GSTCD: variants seen among roughly 807,000 people sequenced by gnomAD.
The protein encoded by GSTCD is glutathione S-transferase C-terminal domain-containing protein.
Under a neutral mutation model 68.3 loss-of-function variants are expected in GSTCD, and 44 were observed. That is an observed-to-expected ratio of 0.64 (90% CI 0.51 to 0.83). The LOEUF (loss-of-function observed/expected upper bound fraction) is 0.83. Among genes scored for constraint, GSTCD ranks in the 40% least tolerant of loss-of-function variants. The pLI is 0.00. For synonymous variants in GSTCD, 273 were observed against 255.2 expected, an observed-to-expected ratio of 1.07 and a Z score of -0.67; for missense variants, 739 against 735.9, an observed-to-expected ratio of 1.00 and a Z score of -0.05.
intron 5 of GSTCD, among the ~76,000 whole-genome samples, chr4:105,752,152 CT>C (rs1734029995): frequency 6.6e-6 from 1 of 152,126 alleles, no homozygotes; most frequent in Non-Finnish European, 1.5e-5. Context: ...TTCTCTCTCT[CT>C]TTTTCTGTTT....
At chr4:105,735,428 T>C (rs1172296348) in intron 5 of GSTCD, among the ~76,000 whole-genome samples, 1 of 152,224 alleles carries the variant, frequency 6.6e-6, no homozygotes. Context: ...CTCAGACTGC[T>C]GTGCTAGCAA....
chr4:105,739,792 A>C (rs546523784), intron 5 of GSTCD, among the ~76,000 whole-genome samples: 1 of 152,314 alleles, frequency 6.6e-6, no homozygotes, highest in South Asian at 2.1e-4. Context: ...TTTTCAGGGC[A>C]TCATTTTCCT....
chr4:105,843,392 C>A (rs1226093532), intron 11 of GSTCD: 1 of 152,226 alleles, frequency 6.6e-6, no homozygotes, highest in African/African-American at 2.4e-5. Context: ...TTTGATGAGA[C>A]TCCACTCACT....
chr4:105,800,816 T>C (rs1736078658), intron 5 of GSTCD, among the ~76,000 whole-genome samples: 1 of 152,174 alleles, frequency 6.6e-6, no homozygotes, highest in Non-Finnish European at 1.5e-5. Flanking sequence ...GTTAGGTTCT[T>C]GCAAGCCTCT....
chr4:105,781,502 T>C (rs1164675357), intron 5 of GSTCD, among the ~76,000 whole-genome samples: 1 of 151,938 alleles, frequency 6.6e-6, no homozygotes, highest in African/African-American at 2.4e-5. Flanking sequence ...AGCAATCCTG[T>C]AGCCTTAGCC....
At chr4:105,799,166 T>C (rs1055599928) in intron 5 of GSTCD, among the ~76,000 whole-genome samples, 7 of 152,188 alleles carry the variant, frequency 4.6e-5, no homozygotes, top group Non-Finnish European at 7.3e-5. Context: ...TTTATAGAAT[T>C]GAAGAGAGTT....
intron 5 of GSTCD, among the ~76,000 whole-genome samples, chr4:105,810,947 T>C (rs780474115): frequency 3.0e-4 from 46 of 152,182 alleles, no homozygotes; most frequent in Middle Eastern, 3.2e-3. Context: ...GTTGACTCAC[T>C]GCATTCATTG....
At chr4:105,797,992 A>G (rs890393291) in intron 5 of GSTCD, among the ~76,000 whole-genome samples, 3 of 151,968 alleles carry the variant, frequency 2.0e-5, no homozygotes, top group Non-Finnish European at 4.4e-5. Flanking sequence ...AGGTCACAAT[A>G]GAACTTCTAA....
chr4:105,778,604 A>G (rs569792692), intron 5 of GSTCD, among the ~76,000 whole-genome samples: 8 of 152,148 alleles, frequency 5.3e-5, no homozygotes, highest in Non-Finnish European at 1.0e-4. Flanking sequence ...AGAAATCTAT[A>G]TAAGTGACAG....
chr4:105,833,768 T>G (rs1053526030), intron 8 of GSTCD, among the ~76,000 whole-genome samples: 2 of 136,886 alleles, frequency 1.5e-5, no homozygotes, highest in African/African-American at 6.1e-5. Context: ...TACTTAAGGA[T>G]ATGTGTTTTA....
intron 5 of GSTCD, among the ~76,000 whole-genome samples, chr4:105,741,755 C>T (rs549855270): frequency 6.6e-6 from 1 of 152,064 alleles, no homozygotes; most frequent in Non-Finnish European, 1.5e-5. Context: ...ATTGGATCAT[C>T]TTGTTTTCAT....
intron 5 of GSTCD, among the ~76,000 whole-genome samples, chr4:105,756,004 T>G (rs1379624580): frequency 2.0e-5 from 3 of 152,172 alleles, no homozygotes; most frequent in African/African-American, 7.2e-5. Flanking sequence ...CAACTAATTT[T>G]CAAAAATAGC....
At position 105,846,510 on chromosome 4, in the gene GSTCD, G is replaced by A. The variant is rs771018995; in HGVS notation, c.*933G>A. 4 of 152,072 alleles carry A rather than the reference G, an allele frequency of 2.6e-5. No homozygotes were observed. The highest frequency in any genetic ancestry group is 4.8e-5 in the African/African-American group (2 of 41,392). 9.4% of individuals were successfully genotyped at this position (152,072 alleles called of 1,614,324 possible). Reference sequence around the variant, plus strand: ...CATACATTTTAACAATAAGTACATTGATTAATACATTTAAGTTTATAAGTA... The same window carrying A: ...CATACATTTTAACAATAAGTACATTAATTAATACATTTAAGTTTATAAGTA... On this transcript the variant is annotated 3_prime_UTR_variant, in exon 12 of 12. Transcript: ENST00000515279.
At chr4:105,767,612 A>G (rs1484705999) in intron 5 of GSTCD, among the ~76,000 whole-genome samples, 1 of 152,160 alleles carries the variant, frequency 6.6e-6, no homozygotes, top group Non-Finnish European at 1.5e-5. Flanking sequence ...TTCTTCTAAC[A>G]AGTTTGCTAA....
intron 5 of GSTCD, among the ~76,000 whole-genome samples, chr4:105,733,552 C>G (rs1031724810): frequency 5.3e-5 from 8 of 152,158 alleles, no homozygotes; most frequent in African/African-American, 1.9e-4. Context: ...AGATCTTCCT[C>G]CATCCCTTTA....
chr4:105,720,341 GT>G (rs1732822371), intron 3 of GSTCD, among the ~76,000 whole-genome samples: 1 of 152,166 alleles, frequency 6.6e-6, no homozygotes, highest in East Asian at 1.9e-4. Flanking sequence ...TTTTGTTTGG[GT>G]TTTTTTCTTG....
In GSTCD at chr4:105,835,260, A is replaced by G. The variant is rs906591822; in HGVS notation, c.1664+666A>G. Among the ~76,000 whole-genome samples the G allele has an allele frequency of 8.6e-5, 13 of 151,812 alleles. 1 individual carries two copies. The highest frequency in any genetic ancestry group is 5.9e-4 in the Admixed American group (9 of 15,252). Reference sequence around the variant, plus strand: ...TGCTTGGGCCCATTGGGCTCACTCCACTCACTCAGCCTGGCAGGCTGCTTT... The same window carrying G: ...TGCTTGGGCCCATTGGGCTCACTCCGCTCACTCAGCCTGGCAGGCTGCTTT... On this transcript the variant is annotated intron_variant, in intron 9 of 11. Coordinates refer to ENST00000515279, the MANE Select transcript of GSTCD (RefSeq NM_001370181.1).
At chr4:105,778,435 A>G (rs1020810138) in intron 5 of GSTCD, among the ~76,000 whole-genome samples, 1 of 152,154 alleles carries the variant, frequency 6.6e-6, no homozygotes, top group Non-Finnish European at 1.5e-5. Flanking sequence ...TTAAAAGTAC[A>G]AAGAAAACAT....
chr4:105,796,734 G>A (rs955915488), intron 5 of GSTCD, among the ~76,000 whole-genome samples: 34 of 152,120 alleles, frequency 2.2e-4, no homozygotes, highest in African/African-American at 8.0e-4. Flanking sequence ...GATATGTATT[G>A]ATTAGGCCAT....
Sources: gnomAD v4.1 joint callset for allele counts (sites outside exome capture counted in the v4.1 genomes callset) on GRCh38, gnomAD v4.1.1 for gene constraint, MANE v1.5 for transcripts, NCBI Gene and HGNC (gene_info 2026-07-23, HGNC 2026-07-21) for gene names.